Variants in ALOX5AP observed in about 807,000 individuals in gnomAD.
The protein encoded by ALOX5AP is arachidonate 5-lipoxygenase-activating protein.
Under a neutral mutation model 18.5 loss-of-function variants are expected in ALOX5AP, and 9 were observed. The observed-to-expected ratio is 0.49, with a 90% confidence interval of 0.29 to 0.85. The LOEUF (loss-of-function observed/expected upper bound fraction) is 0.85. Ranked by LOEUF, ALOX5AP falls within the 40% of genes least tolerant of loss-of-function variation. The pLI is 0.08. For synonymous variants in ALOX5AP, 81 were observed against 78.6 expected (o/e 1.03, Z -0.16); for missense variants, 172 against 202.5 (o/e 0.85, Z 0.91).
chr13:30,713,844 G>A lies in ALOX5AP; in HGVS notation c.116+3G>A, dbSNP rs73163047. ...GGGAACATAAGCCATCAGTGCTGGTGTGTGTGTGTGTGCGCGCACACGCGC... is the reference window on the plus strand; with the variant it reads ...GGGAACATAAGCCATCAGTGCTGGTATGTGTGTGTGTGCGCGCACACGCGC... On this transcript the variant is annotated splice_donor_region_variant and intron_variant, in intron 1 of 5. Transcript: ENST00000617770. 638 of 650,680 alleles carry A rather than the reference G, an allele frequency of 9.8e-4. No homozygotes were observed. Among genetic ancestry groups the A allele is most frequent in the Admixed American group, 1.8e-3 (50 of 27,508 alleles). 40.3% of individuals were successfully genotyped at this position (650,680 alleles called of 1,614,324 possible).
chr13:30,721,804 T>C (rs1177518483), intron 1 of ALOX5AP, among the ~76,000 whole-genome samples: 1 of 152,192 alleles, frequency 6.6e-6, no homozygotes, highest in Admixed American at 6.5e-5. Flanking sequence ...CCACATCATC[T>C]TTTCAATCAG....
chr13:30,719,331 A>T lies in ALOX5AP; in HGVS notation c.116+5490A>T, dbSNP rs74568693. On this transcript the variant is annotated intron_variant, in intron 1 of 5. Transcript: ENST00000617770. ...TAGGCTAGGATTTCAGCTTCATTGCATGCACATGGTGCACTCACAGGGCGT... is the reference window on the plus strand; with the variant it reads ...TAGGCTAGGATTTCAGCTTCATTGCTTGCACATGGTGCACTCACAGGGCGT... 4.0e-4 allele frequency among the ~76,000 whole-genome samples: 61 copies of T among 152,344 alleles called. No individual in the cohort carries two copies. In the East Asian group the frequency reaches 0.011, roughly 27 times the overall value.
At chr13:30,720,076 G>T (rs1490182981) in intron 1 of ALOX5AP, among the ~76,000 whole-genome samples, 1 of 152,252 alleles carries the variant, frequency 6.6e-6, no homozygotes, top group South Asian at 2.1e-4. Context: ...TGGCCAGGGT[G>T]GTCTTGATCT....
upstream of ALOX5AP, chr13:30,735,413 C>G: frequency 4.0e-6 from 5 of 1,259,006 alleles, no homozygotes; most frequent in Non-Finnish European, 5.3e-6. Flanking sequence ...GAACCACAGC[C>G]AGGGCATTTT....
At chr13:30,716,333 C>G (rs914706640) in intron 1 of ALOX5AP, among the ~76,000 whole-genome samples, 1 of 152,146 alleles carries the variant, frequency 6.6e-6, no homozygotes, top group Non-Finnish European at 1.5e-5. Context: ...ATTAAAAACT[C>G]CCAAGGGGAT....
At position 30,764,058 on chromosome 13, in the gene ALOX5AP, C is replaced by T. The variant is rs1951969184; in HGVS notation, c.438C>T (p.Tyr146=). 6.2e-7 allele frequency: 1 copy of T among 1,614,190 alleles called. No homozygotes were observed. The highest frequency in any genetic ancestry group is 8.5e-7 in the Non-Finnish European group (1 of 1,180,030). The change falls in exon 5 of 5, where the codon TAC becomes TAT. Residue 146 remains tyrosine, a synonymous_variant. Coordinates refer to ENST00000380490, the MANE Select transcript of ALOX5AP (RefSeq NM_001629.4). ...IFFFGSDFEN[Y]IKTISTTISP... is the part of the protein sequence containing the mutation. ...TTTTCGGAAGTGACTTTGAAAACTA[C>T]ATAAAGACGATCTCCACCACCATCT...
chr13:30,761,711 C>T (rs1951943205), intron 4 of ALOX5AP, among the ~76,000 whole-genome samples: 1 of 152,174 alleles, frequency 6.6e-6, no homozygotes, highest in African/African-American at 2.4e-5. Context: ...TGCAGCCTCT[C>T]TCCTTGGCTT....
chr13:30,739,768 C>T (rs1951748175), intron 1 of ALOX5AP, among the ~76,000 whole-genome samples: 1 of 152,154 alleles, frequency 6.6e-6, no homozygotes, highest in South Asian at 2.1e-4. Context: ...TACAGATAAG[C>T]AAAGTGAGTC....
chr13:30,715,856 T>C (rs1273748176), intron 1 of ALOX5AP, among the ~76,000 whole-genome samples: 3 of 151,456 alleles, frequency 2.0e-5, no homozygotes, highest in Non-Finnish European at 4.4e-5. Flanking sequence ...AGCTACCGAA[T>C]CCAGCATTCA....
chr13:30,736,033 A>C (rs1951718101), intron 1 of ALOX5AP, among the ~76,000 whole-genome samples: 1 of 152,240 alleles, frequency 6.6e-6, no homozygotes, highest in Non-Finnish European at 1.5e-5. Context: ...GAAAGGGAAC[A>C]TGATATACAC....
intron 1 of ALOX5AP, among the ~76,000 whole-genome samples, chr13:30,719,360 C>T (rs968790424): frequency 1.3e-5 from 2 of 152,204 alleles, no homozygotes; most frequent in African/African-American, 2.4e-5. Flanking sequence ...AGGGCGTGAC[C>T]TCTCTCTGTC....
At chr13:30,716,181 T>C (rs1951548722) in intron 1 of ALOX5AP, among the ~76,000 whole-genome samples, 1 of 152,216 alleles carries the variant, frequency 6.6e-6, no homozygotes, top group African/African-American at 2.4e-5. Context: ...CAACCTCTAT[T>C]GTTAGCTTGC....
chr13:30,749,669 A>G lies in ALOX5AP; in HGVS notation c.171-2383A>G, dbSNP rs576539126. On this transcript the variant is annotated intron_variant, in intron 2 of 4. Coordinates refer to ENST00000380490, the MANE Select transcript of ALOX5AP (RefSeq NM_001629.4). ...GAGCTCCTACCGTGTCCATTAGATC[A>G]GTGGAAATTCTGGGATTCAGAGCAC... Among the ~76,000 whole-genome samples, 3 of 152,320 alleles carry G rather than the reference A, an allele frequency of 2.0e-5. No individual in the cohort carries two copies. The East Asian group carries it at 5.8e-4, about 29-fold the overall frequency.
At chr13:30,747,384 G>T (rs976760822) in intron 2 of ALOX5AP, among the ~76,000 whole-genome samples, 8 of 152,234 alleles carry the variant, frequency 5.3e-5, no homozygotes, top group African/African-American at 1.9e-4. Context: ...ACCATGTCAG[G>T]CTGGTCTTGA....
At chr13:30,732,809 A>G (rs1325763312), upstream of ALOX5AP, among the ~76,000 whole-genome samples, 1 of 152,138 alleles carries the variant, frequency 6.6e-6, no homozygotes, top group Non-Finnish European at 1.5e-5. Context: ...GAAGAAAGAC[A>G]GAGACAGAGG....
At chr13:30,749,781 T>TA (rs1951837230) in intron 2 of ALOX5AP, among the ~76,000 whole-genome samples, 1 of 152,188 alleles carries the variant, frequency 6.6e-6, no homozygotes, top group African/African-American at 2.4e-5. Flanking sequence ...TCTCATCTGT[T>TA]ACCTTCATAG....
chr13:30,757,097 C>T (rs1317057317), intron 4 of ALOX5AP, among the ~76,000 whole-genome samples: 3 of 152,120 alleles, frequency 2.0e-5, no homozygotes, highest in Non-Finnish European at 4.4e-5. Context: ...AGGCTGCTGC[C>T]CCAGGTGCTG....
intron 1 of ALOX5AP, among the ~76,000 whole-genome samples, chr13:30,722,987 G>A (rs915186423): frequency 2.0e-5 from 3 of 152,180 alleles, no homozygotes; most frequent in African/African-American, 7.2e-5. Flanking sequence ...AGAACCATGA[G>A]CCAAATCAAC....
chr13:30,738,124 C>CCCA (rs1374342340), intron 1 of ALOX5AP, among the ~76,000 whole-genome samples: 1 of 152,186 alleles, frequency 6.6e-6, no homozygotes, highest in African/African-American at 2.4e-5. Context: ...CAGTCTGTGT[C>CCCA]CCAAGACAAG....
Sources: gnomAD v4.1 joint callset for allele counts (sites outside exome capture counted in the v4.1 genomes callset) on GRCh38, gnomAD v4.1.1 for gene constraint, MANE v1.5 for transcripts, NCBI Gene and HGNC (gene_info 2026-07-23, HGNC 2026-07-21) for gene names.